The following MARCHF5 variants were observed in gnomAD, a reference collection of about 807,000 sequenced individuals.
MARCHF5 encodes membrane associated ring-CH-type finger 5, also known as E3 ubiquitin-protein ligase MARCHF5.
MARCHF5 carries 5 observed loss-of-function variants against 36.5 expected under a neutral mutation model. The observed-to-expected ratio is 0.14, with a 90% CI of 0.07 to 0.29. The LOEUF is 0.29. MARCHF5 is among the 10% of genes least tolerant of loss of function. The probability of loss-of-function intolerance (pLI) is 1.00; values close to 1 mark genes in which losing one functional copy is unlikely to be tolerated. For synonymous variants in MARCHF5, 103 were observed against 109.9 expected (o/e 0.94, Z 0.39); for missense variants, 179 against 336.3 (o/e 0.53, Z 3.66).
intron 2 of MARCHF5, among the ~76,000 whole-genome samples, chr10:92,321,347 G>A (rs1216738265): frequency 1.3e-5 from 2 of 152,006 alleles, no homozygotes; most frequent in Non-Finnish European, 2.9e-5. Flanking sequence ...GTCAAATGCT[G>A]TTTCTCTGTC....
At position 92,291,483 on chromosome 10, in the gene MARCHF5, G is replaced by C; in HGVS notation, c.-12G>C. The C allele has an allele frequency of 1.3e-6, 2 of 1,547,886 alleles. No homozygotes were observed. Among genetic ancestry groups the C allele is most frequent in the Non-Finnish European group, 1.7e-6 (2 of 1,145,074 alleles). ...CCACTGGGGAAGGCCGTGTGCGCCG[G>C]CTCCGCGGAAGATGCCGGACCAAGC... On this transcript the variant is annotated 5_prime_UTR_variant, in exon 1 of 6. Transcript: ENST00000358935.
At position 92,307,774 on chromosome 10, in the gene MARCHF5, C is replaced by T. The variant is rs148492766; in HGVS notation, c.36-3361C>T. ...CCCTGTAATCCTACTACTTGGGAGG[C>T]GGAGGCATGAGAATCGCTTGAACCG... On this transcript the variant is annotated intron_variant, in intron 1 of 5. Transcript: ENST00000358935. Among the ~76,000 whole-genome samples the T allele has an allele frequency of 1.8e-3, 272 of 151,942 alleles. 1 individual carries two copies. Among genetic ancestry groups the T allele is most frequent in the African/African-American group, 6.3e-3 (263 of 41,466 alleles).
chr10:92,297,241 A>G (rs1019540095), intron 1 of MARCHF5, among the ~76,000 whole-genome samples: 5 of 148,850 alleles, frequency 3.4e-5, no homozygotes, highest in Non-Finnish European at 5.9e-5. Flanking sequence ...GTCACGGCTC[A>G]CTACAGCCTC....
intron 1 of MARCHF5, among the ~76,000 whole-genome samples, chr10:92,307,149 T>G (rs1004674388): frequency 5.3e-5 from 8 of 151,230 alleles, no homozygotes; most frequent in Admixed American, 5.3e-4. Context: ...GCCAGACCCA[T>G]CTCATAAAAT....
At position 92,291,287 on chromosome 10, in the gene MARCHF5, C is replaced by T; in HGVS notation, c.-208C>T. ...CGCCGCCTCCCCGCCTCAGGCTCCT[C>T]CTCCTCGCTCTCCGCCGCCTCCGCC... On this transcript the variant is annotated 5_prime_UTR_variant, in exon 1 of 6. Transcript: ENST00000358935. 2 of 561,390 alleles carry T rather than the reference C, an allele frequency of 3.6e-6. No individual in the cohort carries two copies. Among genetic ancestry groups the T allele is most frequent in the Non-Finnish European group, 3.1e-6 (1 of 323,854 alleles). The allele number at this position is 561,390 out of a possible 1,614,324, so 34.8% of individuals were successfully genotyped here.
intron 2 of MARCHF5, among the ~76,000 whole-genome samples, chr10:92,321,125 G>A (rs981472042): frequency 2.6e-5 from 4 of 152,064 alleles, no homozygotes; most frequent in African/African-American, 9.7e-5. Context: ...GCCTAGGTGT[G>A]TAAATAGGCT....
intron 2 of MARCHF5, among the ~76,000 whole-genome samples, chr10:92,337,836 G>C (rs1843522400): frequency 6.6e-6 from 1 of 151,810 alleles, no homozygotes; most frequent in Non-Finnish European, 1.5e-5. Flanking sequence ...ACATGTGCTG[G>C]AGAGCGTCGA....
chr10:92,341,533 C>A (rs1299126887), intron 3 of MARCHF5, among the ~76,000 whole-genome samples: 1 of 152,086 alleles, frequency 6.6e-6, no homozygotes, highest in East Asian at 1.9e-4. Flanking sequence ...AAAATTTAGT[C>A]CCAAGCCGTT....
rs1843728018 is a variant in MARCHF5, at chr10:92,352,502, G to A, written c.*1295G>A. The A allele has an allele frequency of 6.6e-6, 1 of 152,098 alleles. No individual in the cohort carries two copies. The highest frequency in any genetic ancestry group is 6.6e-5 in the Admixed American group (1 of 15,256). 9.4% of individuals were successfully genotyped at this position (152,098 alleles called of 1,614,324 possible). The stretch of plus-strand genomic sequence containing the variant: ...TGGCCATTTTAATGTTCAGCAACCT[G>A]AATGGTTATTTTTGTTAATTAAAAT... On this transcript the variant is annotated 3_prime_UTR_variant, in exon 6 of 6. Transcript: ENST00000358935.
intron 2 of MARCHF5, among the ~76,000 whole-genome samples, chr10:92,330,144 T>C (rs1843419060): frequency 6.6e-6 from 1 of 152,154 alleles, no homozygotes; most frequent in Admixed American, 6.6e-5. Flanking sequence ...TGCCTGGCCC[T>C]TCATTTAGTC....
Position 92,294,147 on chromosome 10 carries a change from T to G in MARCHF5, c.35+2618T>G, listed in dbSNP as rs533821004. ...TATGGCAGAAACCTACTGCCCTAAG[T>G]CCTAAGTCAGTGATATCTTTCATGA... is the stretch of plus-strand genomic sequence containing the variant. On this transcript the variant is annotated intron_variant, in intron 1 of 5. Coordinates refer to ENST00000358935, the MANE Select transcript of MARCHF5 (RefSeq NM_017824.5). Among the ~76,000 whole-genome samples the G allele has an allele frequency of 3.3e-5, 5 of 152,258 alleles. No homozygotes were observed. In the South Asian group the frequency reaches 6.2e-4, roughly 19 times the overall value.
intron 2 of MARCHF5, among the ~76,000 whole-genome samples, chr10:92,312,929 T>A (rs1843162767): frequency 6.6e-6 from 1 of 152,232 alleles, no homozygotes; most frequent in Non-Finnish European, 1.5e-5. Context: ...TAAGTCTACC[T>A]AGTTGTTAGA....
chr10:92,328,801 T>TTATATATATATATATATATATA (rs748902839), intron 2 of MARCHF5, among the ~76,000 whole-genome samples: 2 of 137,274 alleles, frequency 1.5e-5, no homozygotes, highest in African/African-American at 5.4e-5. Context: ...AGTGAGGTTA[T>TTATATATATATATATATATATA]TATATATATA....
intron 2 of MARCHF5, among the ~76,000 whole-genome samples, chr10:92,319,654 GTTTTTTGT>G (rs1051998345): frequency 3.8e-5 from 3 of 78,640 alleles, no homozygotes; most frequent in African/African-American, 2.7e-4. Context: ...TTGTTTTTTT[GTTTTTTGT>G]TTTTTTTTCT....
intron 2 of MARCHF5, among the ~76,000 whole-genome samples, chr10:92,322,818 A>C (rs1052754354): frequency 6.7e-6 from 1 of 150,234 alleles, no homozygotes; most frequent in East Asian, 2.0e-4. Context: ...GCTCACTGCA[A>C]CCTCCGCCTC....
intron 2 of MARCHF5, among the ~76,000 whole-genome samples, chr10:92,334,852 C>T (rs1843484493): frequency 6.6e-6 from 1 of 152,114 alleles, no homozygotes; most frequent in South Asian, 2.1e-4. Context: ...TGAATTTACC[C>T]AGAATATTAG....
chr10:92,343,977 A>G (rs1476906441), intron 3 of MARCHF5, among the ~76,000 whole-genome samples: 1 of 152,240 alleles, frequency 6.6e-6, no homozygotes, highest in East Asian at 1.9e-4. Flanking sequence ...AGAAACTTAG[A>G]GCAGATTATA....
At chr10:92,314,487 C>G (rs1376390590) in intron 2 of MARCHF5, among the ~76,000 whole-genome samples, 2 of 151,872 alleles carry the variant, frequency 1.3e-5, no homozygotes, top group African/African-American at 4.8e-5. Flanking sequence ...ACTAAAAATA[C>G]AAAAATTAGC....
At chr10:92,297,708 G>A (rs935033954) in intron 1 of MARCHF5, among the ~76,000 whole-genome samples, 1 of 150,888 alleles carries the variant, frequency 6.6e-6, no homozygotes, top group African/African-American at 2.4e-5. Context: ...GGCCAGACTG[G>A]TTCAAACTCC....
Sources: allele counts gnomAD v4.1 joint callset (sites outside exome capture counted in the v4.1 genomes callset), GRCh38; gene constraint gnomAD v4.1.1; transcripts MANE v1.5; gene names NCBI Gene and HGNC (gene_info 2026-07-23, HGNC 2026-07-21).